TTI1: variants seen among roughly 807,000 people sequenced by gnomAD.
The protein encoded by TTI1 is TELO2-interacting protein 1 homolog.
A neutral mutation model predicts 85.4 loss-of-function variants in TTI1; 52 were observed. That is an observed-to-expected ratio of 0.61 (90% CI 0.49 to 0.77). TTI1 has a LOEUF of 0.77. Among genes scored for constraint, TTI1 ranks in the 30% least tolerant of loss-of-function variants. TTI1 has a pLI of 0.00. For missense variants in TTI1, 1,173 were observed against 1,296.0 expected, an observed-to-expected ratio of 0.91 and a Z score of 1.46; for synonymous variants, 512 against 503.9, an observed-to-expected ratio of 1.02 and a Z score of -0.22.
At chr20:37,989,113 G>A (rs1029794939) in intron 7 of TTI1, among the ~76,000 whole-genome samples, 5 of 152,116 alleles carry the variant, frequency 3.3e-5, no homozygotes, top group African/African-American at 9.7e-5. Flanking sequence ...CACGGAGGTC[G>A]TTTTTTATTT....
chr20:38,020,569 CAA>C (rs1286858676), intron 1 of TTI1, among the ~76,000 whole-genome samples: 5 of 151,038 alleles, frequency 3.3e-5, no homozygotes. Context: ...AAAGGCAATT[CAA>C]AAAGTGACAG....
chr20:38,013,389 T>C lies in TTI1; in HGVS notation c.428A>G (p.Tyr143Cys). ...TAAACGTGGCAGAATGGAGGGCTCA[T>C]AAAAAGTCAGAATGATGTCCCCATA... ...SAYGDIILTF[Y>C]EPSILPRLGF... The change falls in exon 2 of 8, where the codon TAT (tyrosine) becomes TGT (cysteine). Residue 143 changes from tyrosine to cysteine, a missense_variant. By Grantham distance (194) the Tyr-to-Cys change is radical (BLOSUM62 -2). Coordinates refer to ENST00000373447, the MANE Select transcript of TTI1 (RefSeq NM_001303457.2). 1 of 1,614,050 alleles carries C rather than the reference T, an allele frequency of 6.2e-7. No homozygotes were observed. Among genetic ancestry groups the C allele is most frequent in the Non-Finnish European group, 8.5e-7 (1 of 1,180,026 alleles).
rs774142501 is a variant in TTI1 at position 38,012,955 on chromosome 20, T to C, written c.862A>G (p.Thr288Ala). The C allele has an allele frequency of 2.5e-6, 4 of 1,614,034 alleles. No individual in the cohort carries two copies. The highest frequency in any genetic ancestry group is 3.4e-6 in the Non-Finnish European group (4 of 1,180,040). The change falls in exon 2 of 8, where the codon ACT becomes GCT. Residue 288 changes from threonine to alanine, a missense_variant. Thr to Ala is a moderately conservative substitution (Grantham distance 58). Coordinates refer to ENST00000373447, the MANE Select transcript of TTI1 (RefSeq NM_001303457.2). Reference protein sequence around the residue: ...DWVKKTGDKLTILIKKIIECV... With the variant: ...DWVKKTGDKLAILIKKIIECV... ...TCAATTATCTTTTTAATAAGGATAG[T>C]CAACTTGTCGCCAGTCTTTTTTACC...
intron 5 of TTI1, among the ~76,000 whole-genome samples, chr20:37,998,198 GATTACAGGC>G (rs2073370419): frequency 1.3e-5 from 2 of 152,204 alleles, no homozygotes; most frequent in South Asian, 4.1e-4. Flanking sequence ...AAAGTGCTGG[GATTACAGGC>G]ATGAGCCACC....
chr20:38,020,318 AAAAAAATATATAT>A lies in TTI1; in HGVS notation c.-41-6474_-41-6462del, dbSNP rs1176393010. Among the ~76,000 whole-genome samples, 250 of 84,140 alleles carry A rather than the reference AAAAAAATATATAT, an allele frequency of 3.0e-3. 6 individuals are homozygous for A. The highest frequency in any genetic ancestry group is 0.011 in the African/African-American group (226 of 21,474). The allele number at this position is 84,140 out of a possible 152,430, so 55.2% of individuals were successfully genotyped here. ...CACTTGGCTACTCATATGAAAAAAA[AAAAAAATATATAT>A]ATATATATATATATATATATATGTA... On this transcript the variant is annotated intron_variant, in intron 1 of 7. Coordinates refer to ENST00000373447, the MANE Select transcript of TTI1 (RefSeq NM_001303457.2).
chr20:38,013,916 T>G (rs2073643663), intron 1 of TTI1, 59 bp from the exon 2 acceptor site: 1 of 1,493,034 alleles, frequency 6.7e-7, no homozygotes, highest in African/African-American at 1.4e-5. Context: ...TGAAGTGAAC[T>G]TGCATTCATT....
chr20:37,987,219 G>T, intron 7 of TTI1: 1 of 456,690 alleles, frequency 2.2e-6, no homozygotes, highest in Admixed American at 2.3e-5. Context: ...TTGTCCTGGG[G>T]CCAGTTCCTG....
intron 5 of TTI1, among the ~76,000 whole-genome samples, chr20:37,998,774 C>T (rs2073378297): frequency 1.3e-5 from 2 of 152,182 alleles, no homozygotes; most frequent in Non-Finnish European, 2.9e-5. Context: ...AACCTCAGCC[C>T]CTTCGCCTTG....
intron 7 of TTI1, 126 bp from the exon 8 acceptor site, chr20:37,983,765 T>A: frequency 1.0e-6 from 1 of 976,620 alleles, no homozygotes; most frequent in Non-Finnish European, 1.4e-6. Context: ...TCAAGTCACT[T>A]CAAATAGTAG....
intron 7 of TTI1, among the ~76,000 whole-genome samples, chr20:37,987,626 A>AT (rs574373186): frequency 1.3e-5 from 2 of 152,190 alleles, no homozygotes; most frequent in Non-Finnish European, 2.9e-5. Flanking sequence ...GAGGCGAGTG[A>AT]TTATCTCTCA....
At chr20:38,004,720 G>C (rs1437264403) in intron 3 of TTI1, among the ~76,000 whole-genome samples, 4 of 152,202 alleles carry the variant, frequency 2.6e-5, no homozygotes, top group African/African-American at 9.7e-5. Context: ...TGGAAGAAGG[G>C]TTTGACTCTT....
At chr20:38,017,116 GTC>G (rs962788399) in intron 1 of TTI1, among the ~76,000 whole-genome samples, 4 of 152,154 alleles carry the variant, frequency 2.6e-5, no homozygotes, top group Admixed American at 6.6e-5. Context: ...TTGTGTATAT[GTC>G]TGTTTTACCT....
Position 38,006,393 on chromosome 20 carries a change from C to G in TTI1, c.2307G>C (p.Gln769His). 6.2e-7 allele frequency: 1 copy of G among 1,614,184 alleles called. No homozygotes were observed. Among genetic ancestry groups the G allele is most frequent in the Non-Finnish European group, 8.5e-7 (1 of 1,180,036 alleles). Reference protein sequence around the residue: ...VLHALMAALAQWFPDTGNLGH... With the variant: ...VLHALMAALAHWFPDTGNLGH... ...CAAGATTACCTGTGTCTGGGAACCA[C>G]TGGGCTGTAAATAAAGTGTTACAAT... is the stretch of plus-strand genomic sequence containing the variant. The change falls in exon 3 of 8, where the codon CAG becomes CAC. Residue 769 changes from glutamine to histidine, a missense_variant. Physicochemically the swap from Gln to His is conservative, Grantham distance 24 (BLOSUM62 0). Coordinates refer to ENST00000373447, the MANE Select transcript of TTI1 (RefSeq NM_001303457.2).
intron 1 of TTI1, among the ~76,000 whole-genome samples, chr20:38,025,295 G>A (rs747234130): frequency 3.3e-5 from 5 of 152,114 alleles, no homozygotes; most frequent in Admixed American, 6.5e-5. Context: ...TCGGTATGCC[G>A]TGGTGGCTCA....
intron 7 of TTI1, among the ~76,000 whole-genome samples, chr20:37,984,920 G>T (rs2122469220): frequency 6.6e-6 from 1 of 152,262 alleles, no homozygotes; most frequent in African/African-American, 2.4e-5. Flanking sequence ...ATGTAACAAT[G>T]AGTTCTCATT....
At chr20:38,026,743 T>C (rs1012157094) in intron 1 of TTI1, among the ~76,000 whole-genome samples, 5 of 152,206 alleles carry the variant, frequency 3.3e-5, no homozygotes, top group African/African-American at 1.2e-4. Flanking sequence ...AGAAAGAACA[T>C]GGCATACAAA....
intron 1 of TTI1, among the ~76,000 whole-genome samples, chr20:38,016,428 G>A (rs1050043694): frequency 6.6e-6 from 1 of 152,142 alleles, no homozygotes; most frequent in Non-Finnish European, 1.5e-5. Flanking sequence ...CTTGGGGTCC[G>A]CCCCCTGACA....
chr20:37,991,774 T>C (rs1437943244), intron 7 of TTI1, among the ~76,000 whole-genome samples: 2 of 152,198 alleles, frequency 1.3e-5, no homozygotes, highest in Non-Finnish European at 2.9e-5. Flanking sequence ...CAGATGTAAA[T>C]ATACCTTCAG....
intron 1 of TTI1, among the ~76,000 whole-genome samples, chr20:38,018,151 C>A (rs950270268): frequency 6.6e-6 from 1 of 152,208 alleles, no homozygotes; most frequent in South Asian, 2.1e-4. Flanking sequence ...AGAAGCAGAC[C>A]TATGGATGGC....
Sources: gnomAD v4.1 joint callset for allele counts (sites outside exome capture counted in the v4.1 genomes callset) on GRCh38, gnomAD v4.1.1 for gene constraint, MANE v1.5 for transcripts, NCBI Gene and HGNC (gene_info 2026-07-23, HGNC 2026-07-21) for gene names.